MIPEP: variants seen among roughly 807,000 people sequenced by gnomAD.
The protein encoded by MIPEP is mitochondrial intermediate peptidase.
Under a neutral mutation model 90.3 loss-of-function variants are expected in MIPEP, and 79 were observed. That is an observed-to-expected ratio of 0.87 (90% confidence interval 0.73 to 1.05). The LOEUF (loss-of-function observed/expected upper bound fraction) is 1.05. Ranked by LOEUF, MIPEP falls within the 50% of genes least tolerant of loss-of-function variation. The pLI, the probability that MIPEP is intolerant of heterozygous loss-of-function variation, is 0.00. For synonymous variants in MIPEP, 334 were observed against 315.8 expected, an observed-to-expected ratio of 1.06 and a Z score of -0.61; for missense variants, 940 against 905.6, an observed-to-expected ratio of 1.04 and a Z score of -0.49.
At chr13:23,779,753 C>T (rs964669428) in intron 16 of MIPEP, among the ~76,000 whole-genome samples, 6 of 152,130 alleles carry the variant, frequency 3.9e-5, no homozygotes, top group African/African-American at 1.4e-4. Flanking sequence ...CGGATCACTC[C>T]CACCCTAATA....
chr13:23,756,572 C>A lies in MIPEP; in HGVS notation c.2017G>T (p.Gly673Cys). The change falls in exon 18 of 19, where the codon GGC (glycine) becomes TGC (cysteine). Residue 673 changes from glycine (G) to cysteine (C), a missense_variant. Physicochemically the swap from Gly to Cys is radical, Grantham distance 159 (BLOSUM62 -3). Transcript: ENST00000382172. ...TCAACCATGAGCATGGGCTCCCTGC[C>A]TCCACCGTGGGCCAGCATCTCCCTG... is the stretch of plus-strand genomic sequence containing the variant. The part of the protein sequence containing the change: ...YRREMLAHGG[G>C]REPMLMVEGM... 1 of 1,614,036 alleles carries A rather than the reference C, an allele frequency of 6.2e-7. No homozygotes were observed. Among genetic ancestry groups the A allele is most frequent in the Non-Finnish European group, 8.5e-7 (1 of 1,180,038 alleles).
chr13:23,773,908 T>C (rs1171215630), intron 16 of MIPEP, among the ~76,000 whole-genome samples: 1 of 152,192 alleles, frequency 6.6e-6, no homozygotes, highest in Non-Finnish European at 1.5e-5. Context: ...CTCATTAAAA[T>C]TAAAAAATTT....
intron 18 of MIPEP, among the ~76,000 whole-genome samples, chr13:23,734,951 C>T (rs898206289): frequency 7.2e-5 from 11 of 152,184 alleles, no homozygotes; most frequent in Admixed American, 2.6e-4. Flanking sequence ...GCCAGTTACC[C>T]GATATCCAAA....
Position 23,836,252 on chromosome 13 carries a change from A to T in MIPEP, c.1641T>A (p.Tyr547Ter), listed in dbSNP as rs1208991065. Residue 547 changes from tyrosine (Y) to a stop codon, truncating the protein, a stop_gained, in exon 14 of 19, where the codon TAT becomes TAA. Coordinates refer to ENST00000382172, the MANE Select transcript of MIPEP (RefSeq NM_005932.4). LOFTEE classifies it high-confidence loss of function. ...TTACTGTTCCTACCTGTCCAGTCTG[A>T]TAATGTCTGGCAAATTGGTTAACTA... ...YRVVNQFARH[Y>*]QTGQPLPKNM... 6.9e-6 allele frequency: 11 copies of T among 1,599,854 alleles called. No individual in the cohort carries two copies. Among genetic ancestry groups the T allele is most frequent in the Non-Finnish European group, 9.4e-6 (11 of 1,173,248 alleles).
At chr13:23,794,768 C>T (rs1952938477) in intron 16 of MIPEP, among the ~76,000 whole-genome samples, 1 of 152,120 alleles carries the variant, frequency 6.6e-6, no homozygotes, top group African/African-American at 2.4e-5. Flanking sequence ...GTCATAATTT[C>T]CTCATGTTTT....
At chr13:23,823,637 T>C (rs1233085491) in intron 14 of MIPEP, among the ~76,000 whole-genome samples, 2 of 152,194 alleles carry the variant, frequency 1.3e-5, no homozygotes, top group African/African-American at 2.4e-5. Flanking sequence ...GAGAACAGGC[T>C]GGGCAACAGA....
intron 18 of MIPEP, among the ~76,000 whole-genome samples, chr13:23,738,502 T>C (rs911539710): frequency 2.7e-5 from 4 of 150,614 alleles, no homozygotes; most frequent in African/African-American, 9.8e-5. Flanking sequence ...CAGGCTGGAG[T>C]GCAGTGGTGC....
chr13:23,852,104 A>G (rs1279710377), intron 10 of MIPEP, among the ~76,000 whole-genome samples: 1 of 152,184 alleles, frequency 6.6e-6, no homozygotes, highest in African/African-American at 2.4e-5. Flanking sequence ...ATATGACAAA[A>G]AAGAGAGTAA....
At position 23,874,880 on chromosome 13, in the gene MIPEP, A is replaced by G. The variant is rs762398129; in HGVS notation, c.569T>C (p.Phe190Ser). Reference protein sequence around the residue: ...RRVAELFMFDFEISGIHLDKE... With the variant: ...RRVAELFMFDSEISGIHLDKE... ...GTCTAGATGGATTCCACTAATTTCA[A>G]AATCAAACATAAACAGTTCAGCCAC... The change falls in exon 5 of 19, where the codon TTT (phenylalanine) becomes TCT (serine). Residue 190 changes from phenylalanine (F) to serine (S), a missense_variant. Physicochemically the swap from Phe to Ser is radical, Grantham distance 155. Coordinates refer to ENST00000382172, the MANE Select transcript of MIPEP (RefSeq NM_005932.4). 2.5e-6 allele frequency: 4 copies of G among 1,600,906 alleles called. No homozygotes were observed. The highest frequency in any genetic ancestry group is 3.4e-6 in the Non-Finnish European group (4 of 1,175,754).
chr13:23,769,031 C>T (rs995598136), intron 16 of MIPEP, among the ~76,000 whole-genome samples: 2 of 152,150 alleles, frequency 1.3e-5, no homozygotes, highest in African/African-American at 4.8e-5. Context: ...AGAACCAGAA[C>T]CAACAAATAC....
chr13:23,778,081 G>C (rs17337271), intron 16 of MIPEP, among the ~76,000 whole-genome samples: 13,972 of 152,202 alleles, frequency 0.092, 874 homozygotes, highest in Non-Finnish European at 0.14. Context: ...GTGGGAAAAA[G>C]TTATGGCTGC....
rs112500954 is a variant in MIPEP, at chr13:23,850,121, C to T, written c.1107-8633G>A. Among the ~76,000 whole-genome samples, 247 of 152,080 alleles carry T rather than the reference C, an allele frequency of 1.6e-3. 2 individuals carry two copies. The highest frequency in any genetic ancestry group is 0.01 in the Middle Eastern group (3 of 294). On this transcript the variant is annotated intron_variant, in intron 10 of 18. Coordinates refer to ENST00000382172, the MANE Select transcript of MIPEP (RefSeq NM_005932.4). ...TGGCCTGCCGGAGGGCACGTGTGGG[C>T]GAGGAAAAAATGGACACCTGTAAAG...
intron 7 of MIPEP, 25 bp downstream of exon 7, chr13:23,869,267 T>C: frequency 6.4e-7 from 1 of 1,551,812 alleles, no homozygotes; most frequent in South Asian, 1.2e-5. Context: ...TATTTTGCCC[T>C]TAAATGTTGG....
chr13:23,753,038 G>T (rs1280056873), intron 18 of MIPEP, among the ~76,000 whole-genome samples: 1 of 152,006 alleles, frequency 6.6e-6, no homozygotes, highest in Non-Finnish European at 1.5e-5. Flanking sequence ...GACCAGCCTG[G>T]CCAACATGGC....
At chr13:23,841,561 T>C (rs1288412274) in intron 10 of MIPEP, 73 bp from the exon 11 acceptor site, 7 of 1,434,272 alleles carry the variant, frequency 4.9e-6, no homozygotes, top group Admixed American at 2.4e-5. Flanking sequence ...AATTAACTTT[T>C]CATTTAATAC....
chr13:23,885,295 G>A (rs1871428084), intron 2 of MIPEP, among the ~76,000 whole-genome samples: 2 of 152,194 alleles, frequency 1.3e-5, no homozygotes, highest in East Asian at 1.9e-4. Flanking sequence ...CAGAGGCTAG[G>A]TAGGGTAGCA....
intron 10 of MIPEP, among the ~76,000 whole-genome samples, chr13:23,856,303 T>C (rs2137491533): frequency 6.6e-6 from 1 of 152,264 alleles, no homozygotes; most frequent in Admixed American, 6.5e-5. Flanking sequence ...GGTTCTGCCT[T>C]TGAGACAGAA....
intron 2 of MIPEP, among the ~76,000 whole-genome samples, chr13:23,884,734 C>T (rs990708949): frequency 6.6e-6 from 1 of 152,224 alleles, no homozygotes; most frequent in Non-Finnish European, 1.5e-5. Flanking sequence ...AATATAAACT[C>T]CATGAAGTAA....
intron 14 of MIPEP, among the ~76,000 whole-genome samples, chr13:23,815,591 G>T (rs1218509721): frequency 6.6e-6 from 1 of 152,210 alleles, no homozygotes; most frequent in African/African-American, 2.4e-5. Context: ...TTACAGGCGT[G>T]AGCCACTGTG....
Sources: gnomAD v4.1 joint callset for allele counts (sites outside exome capture counted in the v4.1 genomes callset) on GRCh38, gnomAD v4.1.1 for gene constraint, MANE v1.5 for transcripts, NCBI Gene and HGNC (gene_info 2026-07-23, HGNC 2026-07-21) for gene names.